The following PUS7 variants were observed in gnomAD, a reference collection of about 807,000 sequenced individuals.
The protein encoded by PUS7 is pseudouridylate synthase 7 homolog.
PUS7 carries 48 observed loss-of-function variants against 79.8 expected under a neutral mutation model. The ratio of observed to expected loss-of-function variants is 0.60; its 90% CI spans 0.48 to 0.76. The LOEUF is 0.76. Among genes scored for constraint, PUS7 ranks in the 30% least tolerant of loss-of-function variants. The pLI is 0.00. For synonymous variants in PUS7, 286 were observed against 272.2 expected, an observed-to-expected ratio of 1.05 and a Z score of -0.50; for missense variants, 729 against 797.6, an observed-to-expected ratio of 0.91 and a Z score of 1.04.
intron 9 of PUS7, among the ~76,000 whole-genome samples, chr7:105,475,248 C>G (rs756192303): frequency 5.3e-4 from 80 of 152,178 alleles, no homozygotes; most frequent in African/African-American, 1.6e-3. Flanking sequence ...TGCAGTGGCA[C>G]GATCTCGGCT....
chr7:105,496,057 G>A (rs1488943843), intron 5 of PUS7, among the ~76,000 whole-genome samples: 1 of 151,788 alleles, frequency 6.6e-6, no homozygotes, highest in Non-Finnish European at 1.5e-5. Flanking sequence ...CTACTTGGGA[G>A]GCTGAGGCAA....
At position 105,470,862 on chromosome 7, in the gene PUS7, A is replaced by C. The variant is rs150896829; in HGVS notation, c.1238-14T>G. The C allele has an allele frequency of 1.5e-4, 231 of 1,566,092 alleles. 3 individuals carry two copies. In the East Asian group the frequency reaches 2.6e-3, roughly 18 times the overall value. On this transcript the variant is annotated splice_polypyrimidine_tract_variant and intron_variant, in intron 10 of 15. Coordinates refer to ENST00000469408, the MANE Select transcript of PUS7 (RefSeq NM_019042.5). ...AGCCCTTTTCAGCTGCGGGGGGAAAAAGCTAGGGTTAAATGACTTACCCAA... is the reference window on the plus strand; with the variant it reads ...AGCCCTTTTCAGCTGCGGGGGGAAACAGCTAGGGTTAAATGACTTACCCAA...
At chr7:105,487,810 C>T (rs1019929714) in intron 7 of PUS7, among the ~76,000 whole-genome samples, 3 of 152,148 alleles carry the variant, frequency 2.0e-5, no homozygotes, top group Admixed American at 1.3e-4. Flanking sequence ...AGAAACAAAT[C>T]ATTCTGAATG....
At chr7:105,514,005 C>T (rs1002002996) in intron 1 of PUS7, among the ~76,000 whole-genome samples, 3 of 122,362 alleles carry the variant, frequency 2.5e-5, no homozygotes, top group Non-Finnish European at 3.7e-5. Flanking sequence ...CAAGGCAGGC[C>T]GGATCACGAA....
Position 105,482,453 on chromosome 7 carries a change from A to G in PUS7, c.921-13T>C. On this transcript the variant is annotated splice_polypyrimidine_tract_variant and intron_variant, in intron 7 of 15. Transcript: ENST00000469408. ...TTGTGCAGTTATTCTTTAAAAAAAA[A>G]AAAAAAAGCAACAAAACAAAAAAGA... 3 of 1,579,294 alleles carry G rather than the reference A, an allele frequency of 1.9e-6. No individual in the cohort carries two copies. Among genetic ancestry groups the G allele is most frequent in the South Asian group, 2.3e-5 (2 of 85,916 alleles).
At chr7:105,497,685 T>C (rs1033972337) in intron 5 of PUS7, among the ~76,000 whole-genome samples, 1 of 152,136 alleles carries the variant, frequency 6.6e-6, no homozygotes, top group African/African-American at 2.4e-5. Flanking sequence ...GATGTGATAA[T>C]AGTTTGGGGT....
At chr7:105,518,765 T>C (rs903438171) in intron 1 of PUS7, among the ~76,000 whole-genome samples, 1 of 151,970 alleles carries the variant, frequency 6.6e-6, no homozygotes, top group Admixed American at 6.6e-5. Flanking sequence ...AATTATTTTT[T>C]ATTTTATTTT....
At chr7:105,468,900 A>G (rs1765746488) in intron 11 of PUS7, among the ~76,000 whole-genome samples, 1 of 151,170 alleles carries the variant, frequency 6.6e-6, no homozygotes, top group Non-Finnish European at 1.5e-5. Flanking sequence ...TTATTTATTT[A>G]CTTTTATGTA....
chr7:105,498,268 C>T (rs1401836339), intron 5 of PUS7, among the ~76,000 whole-genome samples: 5 of 152,182 alleles, frequency 3.3e-5, no homozygotes, highest in Non-Finnish European at 7.3e-5. Flanking sequence ...ATCAATGAGT[C>T]TCCATTTATT....
intron 9 of PUS7, 38 bp downstream of exon 9, chr7:105,481,014 G>A: frequency 2.5e-6 from 4 of 1,592,194 alleles, no homozygotes; most frequent in Non-Finnish European, 3.4e-6. Flanking sequence ...CTTTGTTTAT[G>A]AGAAAGCTAT....
chr7:105,491,067 C>T (rs1277877413), intron 7 of PUS7, among the ~76,000 whole-genome samples: 1 of 152,170 alleles, frequency 6.6e-6, no homozygotes, highest in South Asian at 2.1e-4. Context: ...TCCTGTGTTC[C>T]CTCCACATCA....
chr7:105,471,030 T>C (rs368978758), intron 10 of PUS7, among the ~76,000 whole-genome samples, 182 bp from the exon 11 acceptor site: 2 of 152,198 alleles, frequency 1.3e-5, no homozygotes, highest in Non-Finnish European at 2.9e-5. Context: ...ACAGAACTAT[T>C]TGGCTTTGTC....
Position 105,508,414 on chromosome 7 carries a change from C to A in PUS7, c.99G>T (p.Gln33His). Residue 33 changes from glutamine (Q) to histidine (H), a missense_variant, in exon 2 of 16, where the codon CAG becomes CAT. Coordinates refer to ENST00000469408, the MANE Select transcript of PUS7 (RefSeq NM_019042.5). Reference sequence around the variant, plus strand: ...TGGTTAGACTGCATTCCGACAGCTTCTGTTTTTTTGTCTCTTCAACTGGGA... The same window carrying A: ...TGGTTAGACTGCATTCCGACAGCTTATGTTTTTTTGTCTCTTCAACTGGGA... Reference protein sequence around the residue: ...SGVPVEETKKQKLSECSLTKG... With the variant: ...SGVPVEETKKHKLSECSLTKG... The A allele has an allele frequency of 1.9e-6, 3 of 1,614,160 alleles. No homozygotes were observed. The highest frequency in any genetic ancestry group is 2.5e-6 in the Non-Finnish European group (3 of 1,180,016).
At position 105,462,848 on chromosome 7, in the gene PUS7, C is replaced by CT. The variant is rs1420185980; in HGVS notation, c.1628-99dup. 2.6e-6 allele frequency: 3 copies of CT among 1,153,004 alleles called. No individual in the cohort carries two copies. In the African/African-American group the frequency reaches 4.7e-5, roughly 18 times the overall value. The allele number at this position is 1,153,004 out of a possible 1,614,324, so 71.4% of individuals were successfully genotyped here. On this transcript the variant is annotated intron_variant, in intron 13 of 15. Transcript: ENST00000469408. ...GAGTAACAATGTAAGTTCAGTTAGACTGCCCTAATAAAATTAGTCACCTTA... is the reference window on the plus strand; with the variant it reads ...GAGTAACAATGTAAGTTCAGTTAGACTTGCCCTAATAAAATTAGTCACCTTA...
intron 1 of PUS7, among the ~76,000 whole-genome samples, chr7:105,508,977 G>A (rs552742851): frequency 4.8e-5 from 7 of 145,046 alleles, no homozygotes; most frequent in South Asian, 2.2e-4. Flanking sequence ...TCAGGGGTTC[G>A]AGATCAGCCT....
intron 11 of PUS7, chr7:105,470,278 G>C (rs991051697): frequency 6.4e-6 from 1 of 155,804 alleles, no homozygotes; most frequent in Admixed American, 6.3e-5. Context: ...GGCTACTCTT[G>C]AATCACCATG....
intron 9 of PUS7, among the ~76,000 whole-genome samples, chr7:105,473,496 G>A (rs897851792): frequency 6.8e-6 from 1 of 146,872 alleles, no homozygotes; most frequent in African/African-American, 2.6e-5. Context: ...TCAGCTCACT[G>A]CAACTTCTGC....
chr7:105,512,253 C>T lies in PUS7; in HGVS notation c.-32-3709G>A, dbSNP rs146793821. On this transcript the variant is annotated intron_variant, in intron 1 of 15. Coordinates refer to ENST00000469408, the MANE Select transcript of PUS7 (RefSeq NM_019042.5). ...TAGAAGTAGACCACAACTGTAGTTA[C>T]ATAAAAGTATCCCTAATTCAAAGAA... Among the ~76,000 whole-genome samples the T allele has an allele frequency of 2.0e-3, 295 of 149,284 alleles. 1 individual carries two copies. Among genetic ancestry groups the T allele is most frequent in the African/African-American group, 7.0e-3 (283 of 40,628 alleles).
At chr7:105,469,876 A>G (rs1823804844) in intron 11 of PUS7, among the ~76,000 whole-genome samples, 1 of 152,228 alleles carries the variant, frequency 6.6e-6, no homozygotes, top group Admixed American at 6.5e-5. Context: ...TACAGGCATG[A>G]GCCACCATGC....
Sources: allele counts gnomAD v4.1 joint callset (sites outside exome capture counted in the v4.1 genomes callset), GRCh38; gene constraint gnomAD v4.1.1; transcripts MANE v1.5; gene names NCBI Gene and HGNC (gene_info 2026-07-23, HGNC 2026-07-21).